The following MGAT5B variants were observed in gnomAD, a reference collection of about 807,000 sequenced individuals.
The protein encoded by MGAT5B is N-acetylglucosaminyl-transferase Vb.
MGAT5B carries 54 observed loss-of-function variants against 95.1 expected under a neutral mutation model. The ratio of observed to expected loss-of-function variants is 0.57; its 90% CI spans 0.46 to 0.71. The LOEUF (loss-of-function observed/expected upper bound fraction) is 0.71. Among genes scored for constraint, MGAT5B ranks in the 30% least tolerant of loss-of-function variants. The pLI, the probability that MGAT5B is intolerant of heterozygous loss-of-function variation, is 0.00. For missense variants in MGAT5B, 935 were observed against 1,088.6 expected (o/e 0.86, Z 1.99); for synonymous variants, 464 against 451.0 (o/e 1.03, Z -0.36).
At chr17:76,946,910 C>G (rs549097557) in intron 16 of MGAT5B, among the ~76,000 whole-genome samples, 1 of 152,356 alleles carries the variant, frequency 6.6e-6, no homozygotes, top group Admixed American at 6.5e-5. Context: ...ACTCGGCCAC[C>G]TCAGCCCCCG....
intron 8 of MGAT5B, among the ~76,000 whole-genome samples, chr17:76,909,242 G>C (rs1968645672): frequency 6.6e-6 from 1 of 152,176 alleles, no homozygotes; most frequent in African/African-American, 2.4e-5. Context: ...GGGATTACAG[G>C]CATGAGCCAT....
At chr17:76,943,034 G>GCCCCCCCT (rs201279890) in intron 15 of MGAT5B, among the ~76,000 whole-genome samples, 1 of 129,398 alleles carries the variant, frequency 7.7e-6, no homozygotes, top group African/African-American at 2.9e-5. Context: ...GGGATAACTT[G>GCCCCCCCT]CCCCCCCGGG....
intron 13 of MGAT5B, among the ~76,000 whole-genome samples, chr17:76,939,681 C>G (rs56293205): frequency 6.6e-6 from 1 of 151,966 alleles, no homozygotes; most frequent in African/African-American, 2.4e-5. Flanking sequence ...TCCTCCTCCC[C>G]ACTCTGGGAG....
At chr17:76,881,530 C>T (rs1386091246) in intron 2 of MGAT5B, among the ~76,000 whole-genome samples, 3 of 152,216 alleles carry the variant, frequency 2.0e-5, no homozygotes, top group Non-Finnish European at 4.4e-5. Flanking sequence ...GCCCTGAACA[C>T]AGGCTCCCAA....
At chr17:76,932,601 T>A in intron 10 of MGAT5B, 44 bp from the exon 11 acceptor site, 1 of 1,607,432 alleles carries the variant, frequency 6.2e-7, no homozygotes, top group Non-Finnish European at 8.5e-7. Context: ...GGGCTGCCCT[T>A]GGTTGTTTGG....
At chr17:76,929,316 C>T (rs1030527399) in intron 10 of MGAT5B, among the ~76,000 whole-genome samples, 13 of 152,120 alleles carry the variant, frequency 8.5e-5, no homozygotes, top group South Asian at 2.1e-4. Context: ...GGGTGGAGCC[C>T]GCTGGATGTG....
intron 3 of MGAT5B, among the ~76,000 whole-genome samples, chr17:76,901,379 C>A: frequency 6.8e-6 from 1 of 146,512 alleles, no homozygotes. Context: ...AGGTGAGAAT[C>A]AAAGGAAACC....
In MGAT5B at chr17:76,916,407, G is replaced by C. The variant is rs181303330; in HGVS notation, c.1026-8559G>C. 7.0e-3 allele frequency among the ~76,000 whole-genome samples: 1,060 copies of C among 152,352 alleles called. 13 individuals are homozygous for C. Among genetic ancestry groups the C allele is most frequent in the African/African-American group, 0.024 (1,015 of 41,576 alleles). On this transcript the variant is annotated intron_variant, in intron 8 of 17. Transcript: ENST00000569840. The surrounding 1 kb of genome is among the most constrained non-coding windows in gnomAD (Gnocchi z 5.3). ...TCTGGCCTGGCCTGTGTTGGGGAGGGCTGCAAGGGAAGACTCATGGAAATG... is the reference window on the plus strand; with the variant it reads ...TCTGGCCTGGCCTGTGTTGGGGAGGCCTGCAAGGGAAGACTCATGGAAATG...
chr17:76,929,483 G>A (rs764263171), intron 10 of MGAT5B, among the ~76,000 whole-genome samples: 57 of 152,044 alleles, frequency 3.7e-4, no homozygotes, highest in Admixed American at 7.2e-4. Flanking sequence ...ACTTAACTCC[G>A]TTAAAGCATA....
chr17:76,882,705 C>CT (rs763528809), intron 3 of MGAT5B, among the ~76,000 whole-genome samples: 6,874 of 70,004 alleles, frequency 0.098, 525 homozygotes, highest in African/African-American at 0.39. Context: ...TCCACTGCCC[C>CT]TTTTTTTTTT....
rs1316206786 is a variant in MGAT5B at position 76,916,722 on chromosome 17, G to A, written c.1026-8244G>A. The stretch of plus-strand genomic sequence containing the variant: ...TCATCCCTGGGGAGGAGGCATCAGG[G>A]CCTCTGTGAATCTCAGGGGTCGTGG... On this transcript the variant is annotated intron_variant, in intron 8 of 17. Transcript: ENST00000569840. This position sits in a 1 kb window ranked among gnomAD's most constrained non-coding sequence, Gnocchi z 5.3. Among the ~76,000 whole-genome samples, 1 of 152,234 alleles carries A rather than the reference G, an allele frequency of 6.6e-6. No individual in the cohort carries two copies. The highest frequency in any genetic ancestry group is 6.5e-5 in the Admixed American group (1 of 15,286).
intron 8 of MGAT5B, among the ~76,000 whole-genome samples, chr17:76,922,910 C>T (rs993907473): frequency 3.9e-5 from 6 of 152,106 alleles, no homozygotes; most frequent in African/African-American, 1.4e-4. Context: ...GGGGACAGCT[C>T]AGGAGGCTGG....
At chr17:76,886,135 T>C (rs934116617) in intron 3 of MGAT5B, among the ~76,000 whole-genome samples, 2 of 152,190 alleles carry the variant, frequency 1.3e-5, no homozygotes, top group Non-Finnish European at 2.9e-5. Context: ...CAAATAGTAA[T>C]GATCTTTGAA....
chr17:76,940,290 C>T lies in MGAT5B; in HGVS notation c.1585-112C>T. ...CTGAGCAAAAATAATCGCTCCAGGC[C>T]CAGCTGCCTCCTGTGAATATCCCGA... On this transcript the variant is annotated intron_variant, in intron 13 of 17. Transcript: ENST00000569840. The surrounding 1 kb of genome is among the most constrained non-coding windows in gnomAD (Gnocchi z 4.3). 3 of 1,325,938 alleles carry T rather than the reference C, an allele frequency of 2.3e-6. No homozygotes were observed. Among genetic ancestry groups the T allele is most frequent in the Non-Finnish European group, 3.0e-6 (3 of 991,474 alleles). The allele number at this position is 1,325,938 out of a possible 1,614,324, so 82.1% of individuals were successfully genotyped here. A position where few individuals can be genotyped will look rare whatever the true frequency, so the allele number is the denominator to read the frequency against.
intron 8 of MGAT5B, among the ~76,000 whole-genome samples, chr17:76,920,699 C>T (rs1052088614): frequency 1.2e-4 from 18 of 152,226 alleles, no homozygotes; most frequent in Admixed American, 3.3e-4. Flanking sequence ...ATGCTGCTGT[C>T]TCCGGGCCGA....
chr17:76,932,599 C>T (rs1165926951), intron 10 of MGAT5B, 46 bp from the exon 11 acceptor site: 2 of 1,610,192 alleles, frequency 1.2e-6, no homozygotes, highest in African/African-American at 1.3e-5. Flanking sequence ...TGGGGCTGCC[C>T]TTGGTTGTTT....
intron 3 of MGAT5B, among the ~76,000 whole-genome samples, chr17:76,900,782 T>A (rs562255452): frequency 6.6e-6 from 1 of 152,364 alleles, no homozygotes; most frequent in Admixed American, 6.5e-5. Flanking sequence ...TGGCATTTTT[T>A]ATTTTAAGAG....
rs1968122215 is a variant in MGAT5B, at chr17:76,897,688, T to TCTTTCTTTCTTC, written c.330-4856_330-4855insCCTTTCTTTCTT. Among the ~76,000 whole-genome samples, 6 of 107,896 alleles carry TCTTTCTTTCTTC rather than the reference T, an allele frequency of 5.6e-5. No individual in the cohort carries two copies. The Admixed American group carries it at 6.4e-4, about 12-fold the overall frequency. 70.8% of individuals were successfully genotyped at this position (107,896 alleles called of 152,430 possible). A position where few individuals can be genotyped will look rare whatever the true frequency, so the allele number is the denominator to read the frequency against. ...TTCTTTCTTTCTTTCTTTCTTTCTT[T>TCTTTCTTTCTTC]CTTTCTTTCTTTCTTTCTTTCTTTC... On this transcript the variant is annotated intron_variant, in intron 3 of 17. Transcript: ENST00000569840.
At position 76,918,673 on chromosome 17, in the gene MGAT5B, G is replaced by C. The variant is rs1321309042; in HGVS notation, c.1026-6293G>C. On this transcript the variant is annotated intron_variant, in intron 8 of 17. Coordinates refer to ENST00000569840, the MANE Select transcript of MGAT5B (RefSeq NM_001199172.2). The surrounding 1 kb of genome is among the most constrained non-coding windows in gnomAD (Gnocchi z 5.1). ...CTGTTGTGGTAATGGGCCATGGCAG[G>C]GTTGGGGGCTGCCCATGATACTTGG... is the stretch of plus-strand genomic sequence containing the variant. 1.3e-5 allele frequency among the ~76,000 whole-genome samples: 2 copies of C among 152,180 alleles called. No individual in the cohort carries two copies. Among genetic ancestry groups the C allele is most frequent in the East Asian group, 3.8e-4 (2 of 5,204 alleles).
Sources: gnomAD v4.1 joint callset for allele counts (sites outside exome capture counted in the v4.1 genomes callset) on GRCh38, gnomAD v4.1.1 for gene constraint, Gnocchi (gnomAD v3.1) non-coding constraint, MANE v1.5 for transcripts, NCBI Gene and HGNC (gene_info 2026-07-23, HGNC 2026-07-21) for gene names.